TMEM131L: variants seen among roughly 807,000 people sequenced by gnomAD.
TMEM131L encodes the protein transmembrane protein 131-like.
In TMEM131L, 54 loss-of-function variants were observed where a neutral mutation model predicts 192.2. The observed-to-expected ratio is 0.28, with a 90% CI of 0.23 to 0.35. The LOEUF (loss-of-function observed/expected upper bound fraction) is 0.35. Ranked by LOEUF, TMEM131L falls within the 10% of genes least tolerant of loss-of-function variation. The probability of loss-of-function intolerance (pLI) is 1.00; values close to 1 mark genes in which losing one functional copy is unlikely to be tolerated. For synonymous variants in TMEM131L, 701 were observed against 704.9 expected (o/e 0.99, Z 0.09); for missense variants, 1,888 against 1,972.9 (o/e 0.96, Z 0.82).
At chr4:153,596,414 T>C (rs1284355126) in intron 20 of TMEM131L, 29 bp downstream of exon 20, 4 of 1,610,676 alleles carry the variant, frequency 2.5e-6, no homozygotes, top group Admixed American at 3.3e-5. Context: ...TAGAATCTGT[T>C]TCTTTCTCAA....
chr4:153,617,104 T>C (rs1190401243), intron 26 of TMEM131L, among the ~76,000 whole-genome samples: 10 of 152,102 alleles, frequency 6.6e-5, no homozygotes, highest in Admixed American at 1.3e-4. Flanking sequence ...TGGGAGGTGG[T>C]TGAATTATGG....
intron 3 of TMEM131L, among the ~76,000 whole-genome samples, chr4:153,508,992 A>T (rs746571729): frequency 2.6e-5 from 4 of 152,066 alleles, no homozygotes; most frequent in Non-Finnish European, 5.9e-5. Context: ...AACAAATGGT[A>T]CATTTTTATT....
At chr4:153,507,178 CCCATCAGAGCTATCCAGTGT>C (rs1318791106) in intron 3 of TMEM131L, among the ~76,000 whole-genome samples, 1 of 152,158 alleles carries the variant, frequency 6.6e-6, no homozygotes, top group Non-Finnish European at 1.5e-5. Flanking sequence ...GTGTTTATGG[CCCATCAGAGCTATCCAGTGT>C]TGGGTTGAAA....
chr4:153,523,017 T>C lies in TMEM131L; in HGVS notation c.240-27056T>C, dbSNP rs911598043. On this transcript the variant is annotated intron_variant, in intron 3 of 34. Transcript: ENST00000409959. ...ACTCTGATACATGGTAGTTAGACTT[T>C]ATAGGACTTAAGGATGAGTAGGTTT... 1.2e-4 allele frequency among the ~76,000 whole-genome samples: 19 copies of C among 152,226 alleles called. 1 individual carries two copies. The highest frequency in any genetic ancestry group is 4.6e-4 in the African/African-American group (19 of 41,456).
intron 7 of TMEM131L, among the ~76,000 whole-genome samples, chr4:153,563,951 A>G (rs1729019110): frequency 6.6e-6 from 1 of 152,102 alleles, no homozygotes; most frequent in African/African-American, 2.4e-5. Context: ...CGAGGTGACC[A>G]GGTCATGAGG....
chr4:153,629,680 G>A (rs1051779799), intron 31 of TMEM131L, among the ~76,000 whole-genome samples: 11 of 152,110 alleles, frequency 7.2e-5, no homozygotes, highest in Non-Finnish European at 1.6e-4. Flanking sequence ...TGCTGTCGGG[G>A]TCCCTGGTGA....
Position 153,636,652 on chromosome 4 carries a change from A to C in TMEM131L, c.*76A>C. ...ACTAGTGTAAACTGGTTATTGAGAT[A>C]GATTATGACATTGGTGGATATTTTG... On this transcript the variant is annotated 3_prime_UTR_variant, in exon 35 of 35. Coordinates refer to ENST00000409959, the MANE Select transcript of TMEM131L (RefSeq NM_001131007.2). 1 of 1,401,196 alleles carries C rather than the reference A, an allele frequency of 7.1e-7. No homozygotes were observed. The highest frequency in any genetic ancestry group is 9.8e-7 in the Non-Finnish European group (1 of 1,025,272). 86.8% of individuals were successfully genotyped at this position (1,401,196 alleles called of 1,614,324 possible).
At chr4:153,501,202 GT>G (rs34750703) in intron 3 of TMEM131L, among the ~76,000 whole-genome samples, 14,861 of 127,410 alleles carry the variant, frequency 0.12, 718 homozygotes, top group East Asian at 0.24. Flanking sequence ...GGTTTTGCAA[GT>G]TTTTTTTTTT....
intron 12 of TMEM131L, 146 bp downstream of exon 12, chr4:153,585,077 G>A: frequency 1.5e-6 from 1 of 654,862 alleles, no homozygotes; most frequent in Admixed American, 2.7e-5. Context: ...ATTGCTAACA[G>A]GCAGTGAAAG....
intron 29 of TMEM131L, among the ~76,000 whole-genome samples, chr4:153,624,808 T>C (rs1733715412): frequency 6.6e-6 from 1 of 152,314 alleles, no homozygotes; most frequent in Admixed American, 6.5e-5. Context: ...CCATAGAGAA[T>C]TTCCTTCAGC....
chr4:153,591,264 T>C, intron 17 of TMEM131L, 70 bp downstream of exon 17: 1 of 1,417,462 alleles, frequency 7.1e-7, no homozygotes, highest in Non-Finnish European at 9.4e-7. Context: ...AAGTACCAGA[T>C]TGTGTCCACC....
intron 3 of TMEM131L, among the ~76,000 whole-genome samples, chr4:153,504,314 C>G (rs1733832925): frequency 9.3e-6 from 1 of 108,058 alleles, no homozygotes. Context: ...AGAGTCTCGC[C>G]TGTTGCCCAG....
intron 3 of TMEM131L, among the ~76,000 whole-genome samples, chr4:153,487,995 A>G (rs1732475261): frequency 1.5e-4 from 1 of 6,642 alleles, no homozygotes; most frequent in Non-Finnish European, 3.0e-4. Flanking sequence ...GTGTTTGTGT[A>G]TGTATGAGAG....
At chr4:153,575,948 T>A (rs2150675403) in intron 7 of TMEM131L, among the ~76,000 whole-genome samples, 2 of 151,996 alleles carry the variant, frequency 1.3e-5, no homozygotes, top group South Asian at 4.2e-4. Flanking sequence ...CAAGTTAATA[T>A]TGCTATTGTT....
intron 26 of TMEM131L, among the ~76,000 whole-genome samples, chr4:153,620,434 C>G (rs2126721442): frequency 6.6e-6 from 1 of 152,280 alleles, no homozygotes; most frequent in Admixed American, 6.5e-5. Context: ...GTTGCACATA[C>G]CAAATTAACA....
At chr4:153,482,504 C>T (rs1732018783) in intron 3 of TMEM131L, among the ~76,000 whole-genome samples, 1 of 152,026 alleles carries the variant, frequency 6.6e-6, no homozygotes, top group South Asian at 2.1e-4. Context: ...GTTATTTAGC[C>T]TTCAGTTGAA....
At chr4:153,557,600 T>G (rs1335857425) in intron 6 of TMEM131L, among the ~76,000 whole-genome samples, 2 of 152,174 alleles carry the variant, frequency 1.3e-5, no homozygotes, top group African/African-American at 4.8e-5. Flanking sequence ...AATAGGAATC[T>G]TTACCTTAAA....
At chr4:153,482,578 G>T (rs1732023234) in intron 3 of TMEM131L, among the ~76,000 whole-genome samples, 1 of 152,008 alleles carries the variant, frequency 6.6e-6, no homozygotes, top group Non-Finnish European at 1.5e-5. Context: ...GAAATTTTTA[G>T]TTCCTAAAAA....
intron 3 of TMEM131L, among the ~76,000 whole-genome samples, chr4:153,545,290 C>CTTTTTGTTTTTTTTTTTTTT: frequency 7.6e-6 from 1 of 132,326 alleles, no homozygotes; most frequent in Non-Finnish European, 1.6e-5. Context: ...CTTTTTCAAA[C>CTTTTTGTTTTTTTTTTTTTT]TTTTTTTTTT....
Sources: gnomAD v4.1 joint callset for allele counts (sites outside exome capture counted in the v4.1 genomes callset) on GRCh38, gnomAD v4.1.1 for gene constraint, MANE v1.5 for transcripts, NCBI Gene and HGNC (gene_info 2026-07-23, HGNC 2026-07-21) for gene names.